Variants in HECW2 observed in about 807,000 individuals in gnomAD.
HECW2 encodes the protein E3 ubiquitin-protein ligase HECW2.
HECW2 carries 61 observed loss-of-function variants against 175.2 expected under a neutral mutation model. That is an observed-to-expected ratio of 0.35 (90% CI 0.28 to 0.43). The LOEUF is 0.43. Ranked by LOEUF, HECW2 falls within the 20% of genes least tolerant of loss-of-function variation. HECW2 has a pLI of 1.00. For synonymous variants in HECW2, 671 were observed against 731.0 expected (o/e 0.92, Z 1.32); for missense variants, 1,524 against 2,000.5 (o/e 0.76, Z 4.54).
intron 2 of HECW2, among the ~76,000 whole-genome samples, chr2:196,418,274 G>A (rs1056013080): frequency 4.6e-5 from 7 of 151,982 alleles, no homozygotes; most frequent in Admixed American, 1.3e-4. Flanking sequence ...GACTACAGGC[G>A]CCTGCCACCA....
intron 1 of HECW2, among the ~76,000 whole-genome samples, chr2:196,458,593 C>T (rs913778823): frequency 1.3e-5 from 2 of 152,120 alleles, no homozygotes; most frequent in Admixed American, 6.6e-5. Context: ...GTAGGCTGGG[C>T]GTGGTGGCTC....
intron 2 of HECW2, among the ~76,000 whole-genome samples, chr2:196,418,350 G>C (rs547317111): frequency 1.3e-5 from 2 of 152,028 alleles, no homozygotes; most frequent in African/African-American, 2.4e-5. Context: ...GGATGGTCTC[G>C]ATTTCCTGAC....
chr2:196,312,786 G>T (rs1691548705), intron 10 of HECW2, among the ~76,000 whole-genome samples: 1 of 152,128 alleles, frequency 6.6e-6, no homozygotes, highest in Non-Finnish European at 1.5e-5. Context: ...TAATAAGGTA[G>T]CTTTTTAGTT....
chr2:196,587,060 C>G (rs76690515), intron 1 of HECW2, among the ~76,000 whole-genome samples: 2,368 of 152,302 alleles, frequency 0.016, 34 homozygotes, highest in Middle Eastern at 0.048. Flanking sequence ...TTCCAAGTGT[C>G]TCTTCAATAA....
At chr2:196,382,964 A>G (rs562213040) in intron 2 of HECW2, among the ~76,000 whole-genome samples, 35 of 152,306 alleles carry the variant, frequency 2.3e-4, no homozygotes, top group South Asian at 1.5e-3. Flanking sequence ...TATATTTTTC[A>G]TAAGACAGGT....
intron 2 of HECW2, among the ~76,000 whole-genome samples, chr2:196,426,000 G>A (rs567481221): frequency 3.9e-5 from 6 of 152,048 alleles, no homozygotes; most frequent in East Asian, 1.9e-4. Context: ...GCAGCTACCC[G>A]AACCTTCAGC....
intron 2 of HECW2, among the ~76,000 whole-genome samples, chr2:196,351,672 T>A (rs1404104051): frequency 6.6e-6 from 1 of 152,236 alleles, no homozygotes; most frequent in African/African-American, 2.4e-5. Context: ...TCTCTACATT[T>A]TCTTAAAAAA....
At position 196,549,136 on chromosome 2, in the gene HECW2, C is replaced by T. The variant is rs957995219; in HGVS notation, c.-36+44372G>A. 9.9e-5 allele frequency among the ~76,000 whole-genome samples: 15 copies of T among 152,222 alleles called. No individual in the cohort carries two copies. The Middle Eastern group carries it at 0.014, about 138-fold the overall frequency. On this transcript the variant is annotated intron_variant, in intron 1 of 28. Transcript: ENST00000644978. ...GATAGTCATTTTATCCTCTTAAAAG[C>T]CTTTTTATTGGAAAATATAACAGAT... is the stretch of plus-strand genomic sequence containing the variant.
rs1439172900 is a variant in HECW2, at chr2:196,380,209, GT to G, written c.293-36446del. ...TTGCTTAAATGCACTCAATCAGTAA[GT>G]CCCCCAGCCTTTGCTGATGGGCTGT... On this transcript the variant is annotated intron_variant, in intron 2 of 28. Coordinates refer to ENST00000644978, the MANE Select transcript of HECW2 (RefSeq NM_001348768.2). 2.0e-5 allele frequency among the ~76,000 whole-genome samples: 3 copies of G among 152,296 alleles called. No homozygotes were observed. In the East Asian group the frequency reaches 5.8e-4, roughly 29 times the overall value.
At chr2:196,412,659 C>CCTTCACAATTACTGCCA (rs1695146471) in intron 2 of HECW2, among the ~76,000 whole-genome samples, 1 of 152,206 alleles carries the variant, frequency 6.6e-6, no homozygotes, top group Non-Finnish European at 1.5e-5. Context: ...TTCACAGTCC[C>CCTTCACAATTACTGCCA]CTTCACAATT....
intron 5 of HECW2, among the ~76,000 whole-genome samples, chr2:196,329,025 T>C (rs1692258588): frequency 2.6e-5 from 4 of 152,160 alleles, no homozygotes; most frequent in Admixed American, 2.6e-4. Flanking sequence ...TTACTGATTT[T>C]AACTAAATCA....
At position 196,255,147 on chromosome 2, in the gene HECW2, A is replaced by ATTTTTTTTTTT. The variant is rs768416431; in HGVS notation, c.3420-1129_3420-1119dup. ...GTCACCACGTTCAGCTAATTTTTCT[A>ATTTTTTTTTTT]TTTTTTTTTTTTTTTTTTTTTTTAG... On this transcript the variant is annotated intron_variant, in intron 18 of 28. Transcript: ENST00000644978. Among the ~76,000 whole-genome samples the ATTTTTTTTTTT allele has an allele frequency of 9.7e-3, 916 of 94,364 alleles. 5 individuals are homozygous for ATTTTTTTTTTT. Among genetic ancestry groups the ATTTTTTTTTTT allele is most frequent in the Non-Finnish European group, 0.013 (708 of 52,844 alleles). 61.9% of individuals were successfully genotyped at this position (94,364 alleles called of 152,430 possible).
At chr2:196,436,442 C>A (rs1370728996) in intron 1 of HECW2, among the ~76,000 whole-genome samples, 2 of 151,220 alleles carry the variant, frequency 1.3e-5, no homozygotes, top group African/African-American at 4.9e-5. Flanking sequence ...AACTTCATCA[C>A]CAGTAGTGGG....
In HECW2 at chr2:196,437,611, C is replaced by CAAAAAAAAAAA. The variant is rs59563276; in HGVS notation, c.-35-4164_-35-4154dup. Reference sequence around the variant, plus strand: ...TGGGCAACAGAGTGAGACTCTGTCTCAAAAAAAAAAAAAGCACCAGCCTTG... The same window carrying CAAAAAAAAAAA: ...TGGGCAACAGAGTGAGACTCTGTCTCAAAAAAAAAAAAAAAAAAAAAAAAGCACCAGCCTTG... On this transcript the variant is annotated intron_variant, in intron 1 of 28. Coordinates refer to ENST00000644978, the MANE Select transcript of HECW2 (RefSeq NM_001348768.2). Among the ~76,000 whole-genome samples the CAAAAAAAAAAA allele has an allele frequency of 2.0e-4, 11 of 55,780 alleles. 4 individuals are homozygous for CAAAAAAAAAAA. The highest frequency in any genetic ancestry group is 2.5e-4 in the African/African-American group (4 of 15,966). The allele number at this position is 55,780 out of a possible 152,430, so 36.6% of individuals were successfully genotyped here. A position where few individuals can be genotyped will look rare whatever the true frequency, so the allele number is the denominator to read the frequency against.
intron 21 of HECW2, among the ~76,000 whole-genome samples, chr2:196,231,024 A>C (rs1043593824): frequency 4.4e-5 from 6 of 135,796 alleles, no homozygotes; most frequent in Non-Finnish European, 9.2e-5. Flanking sequence ...AATCACTTGA[A>C]CCAGGGAGTC....
chr2:196,377,625 G>A (rs1694089029), intron 2 of HECW2, among the ~76,000 whole-genome samples: 1 of 152,198 alleles, frequency 6.6e-6, no homozygotes, highest in African/African-American at 2.4e-5. Flanking sequence ...CCCACAATAC[G>A]TGGGAACTGT....
chr2:196,480,878 TACATGAGAC>T (rs1312469710), intron 1 of HECW2, among the ~76,000 whole-genome samples: 2 of 152,240 alleles, frequency 1.3e-5, no homozygotes, highest in African/African-American at 4.8e-5. Flanking sequence ...TGAGTTACTG[TACATGAGAC>T]ACATGTAGAT....
intron 14 of HECW2, chr2:196,292,046 T>C (rs1690621123): frequency 6.6e-6 from 1 of 152,534 alleles, no homozygotes; most frequent in Non-Finnish European, 1.5e-5. Context: ...TTTCTTGTCA[T>C]AAATTAATCA....
At chr2:196,330,246 A>C (rs1692309084) in intron 4 of HECW2, among the ~76,000 whole-genome samples, 1 of 152,198 alleles carries the variant, frequency 6.6e-6, no homozygotes, top group African/African-American at 2.4e-5. Flanking sequence ...TTTTGAGTAA[A>C]TTATACCTCA....
Sources: allele counts gnomAD v4.1 joint callset (sites outside exome capture counted in the v4.1 genomes callset), GRCh38; gene constraint gnomAD v4.1.1; transcripts MANE v1.5; gene names NCBI Gene and HGNC (gene_info 2026-07-23, HGNC 2026-07-21).